RBM23: variants seen among roughly 807,000 people sequenced by gnomAD.
RBM23 encodes the protein RNA binding motif protein 23.
In RBM23, 53 loss-of-function variants were observed where a neutral mutation model predicts 56.2. The observed-to-expected ratio is 0.94, with a 90% CI of 0.76 to 1.19. RBM23 has a LOEUF of 1.19. Ranked by LOEUF, RBM23 falls within the 50% of genes most tolerant of loss-of-function variation. RBM23 has a pLI of 0.00. For synonymous variants in RBM23, 197 were observed against 198.5 expected (o/e 0.99, Z 0.06); for missense variants, 642 against 590.3 (o/e 1.09, Z -0.91).
intron 1 of RBM23, chr14:22,917,370 A>G (rs1252753485): frequency 6.6e-6 from 1 of 152,254 alleles, no homozygotes; most frequent in Non-Finnish European, 1.5e-5. Flanking sequence ...ACTTAAGTTT[A>G]CAAGCCTCTA....
chr14:22,910,554 A>AAAGCAAGC (rs148742362), intron 2 of RBM23, among the ~76,000 whole-genome samples: 4 of 150,738 alleles, frequency 2.7e-5, no homozygotes, highest in African/African-American at 9.8e-5. Flanking sequence ...GAGGGAGGGA[A>AAAGCAAGC]AAGCAAGCAA....
chr14:22,910,505 A>C (rs1403140772), intron 2 of RBM23, among the ~76,000 whole-genome samples: 1 of 145,626 alleles, frequency 6.9e-6, no homozygotes, highest in Non-Finnish European at 1.5e-5. Flanking sequence ...GTGGGGGGGA[A>C]AGGAAGGGAG....
intron 10 of RBM23, chr14:22,902,910 A>C (rs986731060): frequency 5.9e-6 from 4 of 673,678 alleles, no homozygotes; most frequent in East Asian, 1.4e-4. Context: ...GAGTAGCTGG[A>C]ATTACAGGCA....
chr14:22,908,520 G>C, intron 3 of RBM23, 140 bp from the exon 4 acceptor site: 1 of 852,392 alleles, frequency 1.2e-6, no homozygotes, highest in South Asian at 1.8e-5. Flanking sequence ...AGCCTCCTGA[G>C]TAGCTGGGAT....
Position 22,901,044 on chromosome 14 carries a change from A to G in RBM23, c.*686T>C, listed in dbSNP as rs1412721611. The G allele has an allele frequency of 6.6e-6, 1 of 152,282 alleles. No homozygotes were observed. The highest frequency in any genetic ancestry group is 2.4e-5 in the African/African-American group (1 of 41,464). The allele number at this position is 152,282 out of a possible 1,614,324, so 9.4% of individuals were successfully genotyped here. On this transcript the variant is annotated 3_prime_UTR_variant, in exon 14 of 14. Coordinates refer to ENST00000359890, the MANE Select transcript of RBM23 (RefSeq NM_001077351.2). ...GGAAAGGCATACTCCACCTTTTACT[A>G]AATTCCTGAAAGCCCCTAAATGCCT...
intron 1 of RBM23, among the ~76,000 whole-genome samples, chr14:22,915,015 G>C (rs2043240439): frequency 6.9e-6 from 1 of 145,458 alleles, no homozygotes. Context: ...GAGGAACTTT[G>C]TCCTCTTTAA....
chr14:22,902,008 C>A lies in RBM23; in HGVS notation c.1218G>T (p.Leu406Phe). The A allele has an allele frequency of 6.2e-7, 1 of 1,612,346 alleles. No homozygotes were observed. The highest frequency in any genetic ancestry group is 8.5e-7 in the Non-Finnish European group (1 of 1,178,750). The change falls in exon 12 of 14, where the codon TTG becomes TTT. Residue 406 changes from leucine to phenylalanine, a missense_variant. Physicochemically the swap from Leu to Phe is conservative, Grantham distance 22. Transcript: ENST00000359890. ...AALQLNGAVP[L>F]GALNPAALTA... ...TCAGAGCTGCTGGATTCAGGGCCCC[C>A]AAGGGAACTGCTCCATTCAGTTGCA...
chr14:22,908,617 C>A (rs541467448), intron 3 of RBM23: 20 of 398,680 alleles, frequency 5.0e-5, no homozygotes, highest in Non-Finnish European at 1.8e-5. Context: ...TCATCTTGAA[C>A]CCCTGGCCTC....
chr14:22,915,459 A>G (rs2043311120), intron 1 of RBM23, among the ~76,000 whole-genome samples: 1 of 150,344 alleles, frequency 6.7e-6, no homozygotes, highest in South Asian at 2.1e-4. Context: ...TCGCCCTCCC[A>G]AAGTGCTGGG....
Position 22,896,635 on chromosome 14 carries a change from A to G in RBM23, c.*5095T>C, listed in dbSNP as rs1246280466. 3 of 152,030 alleles carry G rather than the reference A, an allele frequency of 2.0e-5. No homozygotes were observed. Among genetic ancestry groups the G allele is most frequent in the Admixed American group, 1.3e-4 (2 of 15,260 alleles). 9.4% of individuals were successfully genotyped at this position (152,030 alleles called of 1,614,324 possible). A position where few individuals can be genotyped will look rare whatever the true frequency, so the allele number is the denominator to read the frequency against. Reference sequence around the variant, plus strand: ...ATAACTGCTTAATGGCTCTCCAGAAACTCCAGCCAACTCCTTAAGGGCTCT... The same window carrying G: ...ATAACTGCTTAATGGCTCTCCAGAAGCTCCAGCCAACTCCTTAAGGGCTCT... On this transcript the variant is annotated 3_prime_UTR_variant, in exon 14 of 14. Coordinates refer to ENST00000359890, the MANE Select transcript of RBM23 (RefSeq NM_001077351.2).
intron 10 of RBM23, chr14:22,903,812 G>A (rs368591899): frequency 1.6e-5 from 18 of 1,099,798 alleles, no homozygotes; most frequent in South Asian, 7.2e-5. Context: ...ATAGTGCTAC[G>A]TTAATAACTG....
rs2040316178 is a variant in RBM23 at position 22,899,800 on chromosome 14, G to A, written c.*1930C>T. ...GCTTCAAGTATTTAAATGATTTTGT[G>A]TTAAAAGCAACCCCAGAGGCTAACA... On this transcript the variant is annotated 3_prime_UTR_variant, in exon 14 of 14. Coordinates refer to ENST00000359890, the MANE Select transcript of RBM23 (RefSeq NM_001077351.2). 6.6e-6 allele frequency: 1 copy of A among 152,184 alleles called. No individual in the cohort carries two copies. The highest frequency in any genetic ancestry group is 1.5e-5 in the Non-Finnish European group (1 of 68,036). 9.4% of individuals were successfully genotyped at this position (152,184 alleles called of 1,614,324 possible).
chr14:22,909,871 G>C (rs1397246423), intron 2 of RBM23, among the ~76,000 whole-genome samples: 5 of 152,146 alleles, frequency 3.3e-5, no homozygotes, highest in Non-Finnish European at 1.5e-5. Context: ...ATTGGTGCTA[G>C]GCTGGGGGCA....
chr14:22,907,164 ACT>A (rs1272505062), intron 4 of RBM23, among the ~76,000 whole-genome samples: 1 of 151,288 alleles, frequency 6.6e-6, no homozygotes. Flanking sequence ...ACAGAGTGAG[ACT>A]CTGTCTCAAA....
intron 1 of RBM23, 55 bp downstream of exon 1, chr14:22,918,944 A>T (rs542267305): frequency 6.6e-6 from 1 of 152,306 alleles, no homozygotes; most frequent in South Asian, 2.1e-4. Flanking sequence ...GGCGCCGTGC[A>T]GCAACGTCAC....
At position 22,900,203 on chromosome 14, in the gene RBM23, A is replaced by C. The variant is rs544965523; in HGVS notation, c.*1527T>G. On this transcript the variant is annotated 3_prime_UTR_variant, in exon 14 of 14. Coordinates refer to ENST00000359890, the MANE Select transcript of RBM23 (RefSeq NM_001077351.2). Reference sequence around the variant, plus strand: ...GGTCAGGAGAACCCTGCTGTTATACAAGACCCAAACCCCTTTGGATATTGG... The same window carrying C: ...GGTCAGGAGAACCCTGCTGTTATACCAGACCCAAACCCCTTTGGATATTGG... 6.6e-6 allele frequency: 1 copy of C among 152,326 alleles called. No homozygotes were observed. The highest frequency in any genetic ancestry group is 2.4e-5 in the African/African-American group (1 of 41,576). The allele number at this position is 152,326 out of a possible 1,614,324, so 9.4% of individuals were successfully genotyped here.
intron 1 of RBM23, among the ~76,000 whole-genome samples, chr14:22,916,662 GA>G (rs537849203): frequency 1.6e-4 from 23 of 142,780 alleles, no homozygotes; most frequent in East Asian, 4.0e-4. Context: ...AACTTTAAAG[GA>G]AAAAAAAAAG....
rs1274034232 is a variant in RBM23, at chr14:22,919,096, A to G, written c.-108T>C. The G allele has an allele frequency of 1.3e-5, 2 of 152,308 alleles. No individual in the cohort carries two copies. Among genetic ancestry groups the G allele is most frequent in the Middle Eastern group, 3.4e-3 (1 of 296 alleles). 9.4% of individuals were successfully genotyped at this position (152,308 alleles called of 1,614,324 possible). On this transcript the variant is annotated 5_prime_UTR_variant, in exon 1 of 14. Transcript: ENST00000359890. ...GATAGTTCCTAGAGTCTAGGCAAGA[A>G]AAGCAGCACTGCAGGTACAGAGCCT...
rs79131700 is a variant in RBM23 at position 22,902,113 on chromosome 14, A to T, written c.1127-14T>A. 3.3e-4 allele frequency: 524 copies of T among 1,605,480 alleles called. 4 individuals are homozygous for T. In the East Asian group the frequency reaches 0.012, roughly 35 times the overall value. ...GGATTCCAGCGCCTAAAAGGAAAAG[A>T]AAAGGTGGGATTAAGCCCCAACCCT... On this transcript the variant is annotated splice_polypyrimidine_tract_variant and intron_variant, in intron 11 of 13. Transcript: ENST00000359890.
Sources: gnomAD v4.1 joint callset for allele counts (sites outside exome capture counted in the v4.1 genomes callset) on GRCh38, gnomAD v4.1.1 for gene constraint, MANE v1.5 for transcripts, NCBI Gene and HGNC (gene_info 2026-07-23, HGNC 2026-07-21) for gene names.